Variants in ZBTB25 observed in about 807,000 individuals in gnomAD.
The protein encoded by ZBTB25 is zinc finger and BTB domain containing 25.
ZBTB25 carries 20 observed loss-of-function variants against 34.2 expected under a neutral mutation model. That is an observed-to-expected ratio of 0.58 (90% CI 0.41 to 0.85). The LOEUF (loss-of-function observed/expected upper bound fraction) is 0.85, where lower values mean the gene tolerates loss of function less well. Among genes scored for constraint, ZBTB25 ranks in the 40% least tolerant of loss-of-function variants. The pLI, the probability that ZBTB25 is intolerant of heterozygous loss-of-function variation, is 0.00. For synonymous variants in ZBTB25, 175 were observed against 186.4 expected (o/e 0.94, Z 0.50); for missense variants, 437 against 521.8 (o/e 0.84, Z 1.58).
At chr14:64,503,280 CCCG>C (rs1172041760) in intron 1 of ZBTB25, 1 of 985,312 alleles carries the variant, frequency 1.0e-6, no homozygotes, top group Non-Finnish European at 1.2e-6. Context: ...TGGAAAGTCG[CCCG>C]CTCGTAAGAG....
Position 64,487,586 on chromosome 14 carries a change from G to T in ZBTB25, c.645C>A (p.Ser215=), listed in dbSNP as rs148979273. 21 of 1,607,116 alleles carry T rather than the reference G, an allele frequency of 1.3e-5. No homozygotes were observed. The African/African-American group carries it at 1.9e-4, about 14-fold the overall frequency. Reference sequence around the variant, plus strand: ...CTGATGAGGGTGAGGGGTGGCTCTGGGAGATCACAGATTCTGGGTCACATC... The same window carrying T: ...CTGATGAGGGTGAGGGGTGGCTCTGTGAGATCACAGATTCTGGGTCACATC... ...QERCDPESVI[S]QSHPSPSSEV... is the part of the protein sequence containing the mutation. Residue 215 remains serine (S), a synonymous_variant, in exon 3 of 3, where the codon TCC becomes TCA. Transcript: ENST00000608382.
intron 2 of ZBTB25, chr14:64,454,658 C>A (rs1304945902): frequency 2.3e-6 from 3 of 1,324,592 alleles, no homozygotes; most frequent in South Asian, 2.4e-5. Flanking sequence ...ATCACAGGGC[C>A]CAGATGGTCA....
chr14:64,468,337 A>G, intron 2 of ZBTB25: 1 of 1,473,026 alleles, frequency 6.8e-7, no homozygotes, highest in Non-Finnish European at 9.1e-7. Context: ...TTTTGTCACA[A>G]AAGGCTGCTA....
chr14:64,493,754 T>C (rs2079169372), intron 1 of ZBTB25, among the ~76,000 whole-genome samples: 1 of 151,448 alleles, frequency 6.6e-6, no homozygotes, highest in East Asian at 1.9e-4. Flanking sequence ...GTAACTGCCA[T>C]GTGCTAGGTG....
intron 1 of ZBTB25, chr14:64,503,340 G>A: frequency 1.0e-6 from 1 of 985,390 alleles, no homozygotes; most frequent in Non-Finnish European, 1.2e-6. Flanking sequence ...GGGGTTTCCT[G>A]CTGGGGGTCG....
rs1475080364 is a variant in ZBTB25, at chr14:64,486,266, C to T, written c.*657G>A. 58 of 967,810 alleles carry T rather than the reference C, an allele frequency of 6.0e-5. No homozygotes were observed. The highest frequency in any genetic ancestry group is 2.4e-4 in the South Asian group (5 of 20,922). 60.0% of individuals were successfully genotyped at this position (967,810 alleles called of 1,614,324 possible). On this transcript the variant is annotated 3_prime_UTR_variant, in exon 3 of 3. Coordinates refer to ENST00000608382, the MANE Select transcript of ZBTB25 (RefSeq NM_006977.5). Reference sequence around the variant, plus strand: ...GCAGTCAGCCGAGATCGCGCCACTGCGCCCCAGCCTGGGCGACACAGAGAG... The same window carrying T: ...GCAGTCAGCCGAGATCGCGCCACTGTGCCCCAGCCTGGGCGACACAGAGAG...
Position 64,485,716 on chromosome 14 carries a change from A to G in ZBTB25, c.*1207T>C. Reference sequence around the variant, plus strand: ...AAATTACTTTTTCAGTGATTTTTAGAAAATTAAAATCAACCCAGGAAGCCC... The same window carrying G: ...AAATTACTTTTTCAGTGATTTTTAGGAAATTAAAATCAACCCAGGAAGCCC... On this transcript the variant is annotated 3_prime_UTR_variant, in exon 3 of 3. Transcript: ENST00000608382. 1.0e-6 allele frequency: 1 copy of G among 985,432 alleles called. No homozygotes were observed. The highest frequency in any genetic ancestry group is 1.7e-5 in the African/African-American group (1 of 57,366). The allele number at this position is 985,432 out of a possible 1,614,324, so 61.0% of individuals were successfully genotyped here.
chr14:64,474,935 T>G (rs1194500213), downstream of ZBTB25, among the ~76,000 whole-genome samples: 2 of 152,212 alleles, frequency 1.3e-5, no homozygotes, highest in Non-Finnish European at 2.9e-5. Flanking sequence ...GATTTCATTT[T>G]GGTAATGTTA....
intron 2 of ZBTB25, chr14:64,454,849 G>C (rs781218519): frequency 3.1e-6 from 5 of 1,614,074 alleles, no homozygotes. Flanking sequence ...CGTTGGGGCT[G>C]GTTTTCTGTA....
intron 1 of ZBTB25, among the ~76,000 whole-genome samples, chr14:64,492,626 C>T (rs1199153940): frequency 3.3e-5 from 5 of 151,788 alleles, no homozygotes; most frequent in South Asian, 4.1e-4. Flanking sequence ...AAACCAAACC[C>T]TCGGATCATA....
chr14:64,468,147 A>C (rs1198062123), intron 2 of ZBTB25: 1 of 272,696 alleles, frequency 3.7e-6, no homozygotes, highest in African/African-American at 2.2e-5. Context: ...TCTTTAAATA[A>C]AGCAAAAATT....
downstream of ZBTB25, among the ~76,000 whole-genome samples, chr14:64,477,022 T>C (rs994693200): frequency 6.6e-6 from 1 of 152,270 alleles, no homozygotes; most frequent in South Asian, 2.1e-4. Flanking sequence ...TCTACCAATT[T>C]TGACCAAGCC....
Position 64,487,455 on chromosome 14 carries a change from G to A in ZBTB25, c.776C>T (p.Thr259Ile), listed in dbSNP as rs765689243. 4 of 1,614,228 alleles carry A rather than the reference G, an allele frequency of 2.5e-6. No homozygotes were observed. The highest frequency in any genetic ancestry group is 3.3e-5 in the Admixed American group (2 of 60,028). ...SRSNLRQHLH[T>I]HVSGSLPFGV... ...GAATGGCAGGGATCCAGACACATGTGTATGGAGATGTTGCCTTAGGTTACT... is the reference window on the plus strand; with the variant it reads ...GAATGGCAGGGATCCAGACACATGTATATGGAGATGTTGCCTTAGGTTACT... Residue 259 changes from threonine (T) to isoleucine (I), a missense_variant, in exon 3 of 3, where the codon ACA becomes ATA. Physicochemically the swap from Thr to Ile is moderately conservative, Grantham distance 89. Coordinates refer to ENST00000608382, the MANE Select transcript of ZBTB25 (RefSeq NM_006977.5).
intron 1 of ZBTB25, chr14:64,503,053 CT>C (rs2079550117): frequency 7.1e-6 from 7 of 985,416 alleles, no homozygotes; most frequent in Non-Finnish European, 8.4e-6. Context: ...GTGCTATGCG[CT>C]GCCTCCGCAA....
chr14:64,503,592 C>A lies in ZBTB25; in HGVS notation c.-8+69G>T. 3 of 985,812 alleles carry A rather than the reference C, an allele frequency of 3.0e-6. No individual in the cohort carries two copies. In the African/African-American group the frequency reaches 5.2e-5, roughly 17 times the overall value. The allele number at this position is 985,812 out of a possible 1,614,324, so 61.1% of individuals were successfully genotyped here. A position where few individuals can be genotyped will look rare whatever the true frequency, so the allele number is the denominator to read the frequency against. On this transcript the variant is annotated intron_variant, in intron 1 of 2. Transcript: ENST00000608382. ...CGACTGGTGCAGCTGCAGGCCGCCG[C>A]CCTGGGTGGCTCGCGGCAGGAGGGA...
At chr14:64,502,850 A>C in intron 1 of ZBTB25, 5 of 979,092 alleles carry the variant, frequency 5.1e-6, no homozygotes, top group Non-Finnish European at 6.1e-6. Context: ...GATTTTCTAT[A>C]AGGCACCTCT....
intron 2 of ZBTB25, chr14:64,455,097 T>C (rs952015264): frequency 3.1e-5 from 17 of 550,934 alleles, no homozygotes; most frequent in Admixed American, 2.1e-4. Context: ...ATGCCAGGAC[T>C]ACTCATACTG....
In ZBTB25 at chr14:64,481,491, A is replaced by C. The variant is rs367761415; in HGVS notation, c.*5432T>G. The C allele has an allele frequency of 1.3e-5, 2 of 152,316 alleles. No individual in the cohort carries two copies. Among genetic ancestry groups the C allele is most frequent in the East Asian group, 3.9e-4 (2 of 5,192 alleles). 9.4% of individuals were successfully genotyped at this position (152,316 alleles called of 1,614,324 possible). ...GAAGATTTTTCAGTGGGTCTTTTTT[A>C]TTGAACAAGTTTTTATAATCTAAGT... On this transcript the variant is annotated 3_prime_UTR_variant, in exon 3 of 3. Coordinates refer to ENST00000608382, the MANE Select transcript of ZBTB25 (RefSeq NM_006977.5).
chr14:64,468,259 T>TGGAG, intron 2 of ZBTB25: 9 of 739,474 alleles, frequency 1.2e-5, no homozygotes, highest in Middle Eastern at 3.8e-4. Flanking sequence ...AACAACTGTA[T>TGGAG]GGAGTAAGAT....
Sources: gnomAD v4.1 joint callset for allele counts (sites outside exome capture counted in the v4.1 genomes callset) on GRCh38, gnomAD v4.1.1 for gene constraint, MANE v1.5 for transcripts, NCBI Gene and HGNC (gene_info 2026-07-23, HGNC 2026-07-21) for gene names.